The following ADAMTS20 variants were observed in gnomAD, a reference collection of about 807,000 sequenced individuals.
The protein encoded by ADAMTS20 is A disintegrin and metalloproteinase with thrombospondin motifs 20.
Under a neutral mutation model 260.1 loss-of-function variants are expected in ADAMTS20, and 225 were observed. The ratio of observed to expected loss-of-function variants is 0.87; its 90% CI spans 0.78 to 0.97. The LOEUF (loss-of-function observed/expected upper bound fraction) is 0.97, where lower values mean the gene tolerates loss of function less well. ADAMTS20 is among the 50% of genes least tolerant of loss of function. The pLI, the probability that ADAMTS20 is intolerant of heterozygous loss-of-function variation, is 0.00. For synonymous variants in ADAMTS20, 802 were observed against 769.5 expected, an observed-to-expected ratio of 1.04 and a Z score of -0.70; for missense variants, 2,400 against 2,337.7, an observed-to-expected ratio of 1.03 and a Z score of -0.55.
intron 28 of ADAMTS20, among the ~76,000 whole-genome samples, chr12:43,412,844 C>A (rs1444375530): frequency 8.3e-6 from 1 of 120,152 alleles, no homozygotes; most frequent in East Asian, 2.4e-4. Flanking sequence ...CAGAGTCTGG[C>A]TCTGTCGCCC....
chr12:43,443,908 A>C, intron 15 of ADAMTS20, 25 bp from the exon 16 acceptor site: 1 of 1,595,226 alleles, frequency 6.3e-7, no homozygotes, highest in East Asian at 2.2e-5. Flanking sequence ...TACATATGTT[A>C]AATTTCACAA....
intron 27 of ADAMTS20, among the ~76,000 whole-genome samples, 153 bp downstream of exon 27, chr12:43,427,155 A>G (rs1941348045): frequency 1.3e-5 from 2 of 152,244 alleles, no homozygotes; most frequent in Admixed American, 6.5e-5. Flanking sequence ...CCTGGGCAAC[A>G]GAGTGAGACC....
chr12:43,368,690 A>G (rs1940039007), intron 37 of ADAMTS20, among the ~76,000 whole-genome samples: 1 of 151,986 alleles, frequency 6.6e-6, no homozygotes, highest in Non-Finnish European at 1.5e-5. Flanking sequence ...TTCTTCATCT[A>G]TCATAAAAAT....
At chr12:43,492,753 A>G in intron 5 of ADAMTS20, 124 bp from the exon 6 acceptor site, 1 of 1,057,590 alleles carries the variant, frequency 9.5e-7, no homozygotes, top group South Asian at 1.6e-5. Context: ...GAGTGACAGC[A>G]TCTCTTCTTC....
rs547825017 is a variant in ADAMTS20, at chr12:43,368,288, G to A, written c.5538+1002C>T. 2.6e-5 allele frequency among the ~76,000 whole-genome samples: 4 copies of A among 152,114 alleles called. No individual in the cohort carries two copies. The South Asian group carries it at 8.3e-4, about 32-fold the overall frequency. On this transcript the variant is annotated intron_variant, in intron 37 of 38. Coordinates refer to ENST00000389420, the MANE Select transcript of ADAMTS20 (RefSeq NM_025003.5). ...TTTATAAATCACTCCCTGACCTAAA[G>A]GAGTCATACTGAACTCATGCTGGGC... is the stretch of plus-strand genomic sequence containing the variant.
rs760886524 is a variant in ADAMTS20, at chr12:43,551,058, C to A, written c.304G>T (p.Ala102Ser). The A allele has an allele frequency of 6.2e-7, 1 of 1,613,654 alleles. No individual in the cohort carries two copies. Among genetic ancestry groups the A allele is most frequent in the South Asian group, 1.1e-5 (1 of 91,044 alleles). Residue 102 changes from alanine (A) to serine (S), a missense_variant, in exon 2 of 39, where the codon GCC becomes TCC. Ala to Ser is a moderately conservative substitution (Grantham distance 99). Transcript: ENST00000389420. The surrounding 1 kb of genome is among the most constrained non-coding windows in gnomAD (Gnocchi z 4.6). Reference protein sequence around the residue: ...NLTADASFLAAGYTEVHLGTP... With the variant: ...NLTADASFLASGYTEVHLGTP... Reference sequence around the variant, plus strand: ...CCCAAGTGCACCTCGGTGTAGCCGGCGGCCAGAAAGGATGCATCGGCGGTC... The same window carrying A: ...CCCAAGTGCACCTCGGTGTAGCCGGAGGCCAGAAAGGATGCATCGGCGGTC...
At chr12:43,478,967 C>A (rs934062833) in intron 7 of ADAMTS20, among the ~76,000 whole-genome samples, 1 of 152,024 alleles carries the variant, frequency 6.6e-6, no homozygotes, top group African/African-American at 2.4e-5. Context: ...TAGGACTGAG[C>A]GCTTAAACCT....
chr12:43,520,371 G>T (rs1317732655), intron 3 of ADAMTS20, among the ~76,000 whole-genome samples: 2 of 152,096 alleles, frequency 1.3e-5, no homozygotes, highest in Non-Finnish European at 2.9e-5. Context: ...AGTCTAAAAT[G>T]GTGGTCCAGG....
At chr12:43,492,876 A>G (rs1156514590) in intron 5 of ADAMTS20, among the ~76,000 whole-genome samples, 1 of 152,186 alleles carries the variant, frequency 6.6e-6, no homozygotes, top group Non-Finnish European at 1.5e-5. Flanking sequence ...ACTTTTAAAA[A>G]CGACTATATT....
At chr12:43,508,956 A>C (rs966966863) in intron 3 of ADAMTS20, among the ~76,000 whole-genome samples, 1 of 152,040 alleles carries the variant, frequency 6.6e-6, no homozygotes, top group African/African-American at 2.4e-5. Flanking sequence ...CCCTGTGTCC[A>C]TGTGTTCTCA....
At chr12:43,530,764 A>G (rs1231021643) in intron 3 of ADAMTS20, among the ~76,000 whole-genome samples, 1 of 152,060 alleles carries the variant, frequency 6.6e-6, no homozygotes, top group Non-Finnish European at 1.5e-5. Context: ...ACTCTTAATA[A>G]ATACAACTTT....
intron 28 of ADAMTS20, among the ~76,000 whole-genome samples, chr12:43,399,608 T>G (rs956326470): frequency 6.6e-6 from 1 of 152,152 alleles, no homozygotes; most frequent in Non-Finnish European, 1.5e-5. Context: ...CAATACCCAT[T>G]CTATTTTTAT....
Position 43,551,804 on chromosome 12 carries a change from G to T in ADAMTS20, c.91+27C>A. 1 of 1,610,758 alleles carries T rather than the reference G, an allele frequency of 6.2e-7. No individual in the cohort carries two copies. The highest frequency in any genetic ancestry group is 1.3e-5 in the African/African-American group (1 of 74,984). ...TCGGGCCCCGCGCCCCCACTTAGCC[G>T]CTGAAGGCGTCTCGCGGTGACTTTA... On this transcript the variant is annotated intron_variant, in intron 1 of 38. Transcript: ENST00000389420. The surrounding 1 kb of genome is among the most constrained non-coding windows in gnomAD (Gnocchi z 4.6).
intron 3 of ADAMTS20, among the ~76,000 whole-genome samples, chr12:43,523,622 C>A (rs1396637300): frequency 1.3e-5 from 2 of 152,134 alleles, no homozygotes; most frequent in Non-Finnish European, 2.9e-5. Flanking sequence ...TGAGATCTAC[C>A]TTGCCAAGTG....
In ADAMTS20 at chr12:43,466,577, A is replaced by T. The variant is rs1194476768; in HGVS notation, c.1367+75T>A. On this transcript the variant is annotated intron_variant, in intron 9 of 38. Coordinates refer to ENST00000389420, the MANE Select transcript of ADAMTS20 (RefSeq NM_025003.5). ...ACAAGAAAAAGCTAAACAGAAATTG[A>T]ACCACCTTTAAAAATATCAATTTCA... 3.6e-6 allele frequency: 5 copies of T among 1,393,218 alleles called. No individual in the cohort carries two copies. In the African/African-American group the frequency reaches 4.4e-5, roughly 12 times the overall value. 86.3% of individuals were successfully genotyped at this position (1,393,218 alleles called of 1,614,324 possible).
At chr12:43,465,322 A>G (rs1942135031) in intron 9 of ADAMTS20, among the ~76,000 whole-genome samples, 1 of 151,890 alleles carries the variant, frequency 6.6e-6, no homozygotes, top group Non-Finnish European at 1.5e-5. Flanking sequence ...CCATGGAAAA[A>G]TTTTTTAATC....
intron 3 of ADAMTS20, among the ~76,000 whole-genome samples, chr12:43,524,880 T>C (rs557472151): frequency 6.6e-6 from 1 of 152,324 alleles, no homozygotes; most frequent in Non-Finnish European, 1.5e-5. Context: ...AGTCTGGGAT[T>C]AGGTAAAATA....
intron 4 of ADAMTS20, among the ~76,000 whole-genome samples, chr12:43,497,088 G>A (rs1276189503): frequency 7.2e-5 from 11 of 151,922 alleles, no homozygotes; most frequent in Admixed American, 2.6e-4. Flanking sequence ...CTATGTATTC[G>A]AATTTTTATT....
At chr12:43,514,451 A>C (rs1942970171) in intron 3 of ADAMTS20, among the ~76,000 whole-genome samples, 1 of 151,236 alleles carries the variant, frequency 6.6e-6, no homozygotes, top group Non-Finnish European at 1.5e-5. Flanking sequence ...AATCCCAGTT[A>C]CTCGGGAGGC....
Sources: gnomAD v4.1 joint callset for allele counts (sites outside exome capture counted in the v4.1 genomes callset) on GRCh38, gnomAD v4.1.1 for gene constraint, Gnocchi (gnomAD v3.1) non-coding constraint, MANE v1.5 for transcripts, NCBI Gene and HGNC (gene_info 2026-07-23, HGNC 2026-07-21) for gene names.